TRIQK: variants seen among roughly 807,000 people sequenced by gnomAD.
TRIQK encodes the protein triple QxxK/R motif containing.
A neutral mutation model predicts 10.8 loss-of-function variants in TRIQK; 10 were observed. That is an observed-to-expected ratio of 0.92 (90% CI 0.57 to 1.57). The LOEUF is 1.57. Ranked by LOEUF, TRIQK falls within the 40% of genes most tolerant of loss-of-function variation. The probability of loss-of-function intolerance (pLI) is 0.00; values close to 1 mark genes in which losing one functional copy is unlikely to be tolerated. For missense variants in TRIQK, 107 were observed against 97.7 expected, an observed-to-expected ratio of 1.09 and a Z score of -0.40; for synonymous variants, 33 against 33.7, an observed-to-expected ratio of 0.98 and a Z score of 0.07.
At chr8:93,017,202 C>T (rs1042014225) in intron 1 of TRIQK, among the ~76,000 whole-genome samples, 1 of 144,468 alleles carries the variant, frequency 6.9e-6, no homozygotes, top group African/African-American at 2.6e-5. Flanking sequence ...TATCAGGAAG[C>T]TATTGCTCTG....
chr8:92,964,468 A>ATC (rs1250514207), intron 1 of TRIQK, among the ~76,000 whole-genome samples: 6 of 147,888 alleles, frequency 4.1e-5, no homozygotes, highest in Non-Finnish European at 6.0e-5. Context: ...ATATATCTAT[A>ATC]TATATATATA....
At chr8:92,935,419 T>C (rs1810936462) in intron 2 of TRIQK, among the ~76,000 whole-genome samples, 2 of 151,702 alleles carry the variant, frequency 1.3e-5, no homozygotes. Context: ...CATATTCTGT[T>C]TTGTGCACGT....
At chr8:92,898,652 A>G (rs1808734840) in intron 3 of TRIQK, among the ~76,000 whole-genome samples, 1 of 151,702 alleles carries the variant, frequency 6.6e-6, no homozygotes, top group African/African-American at 2.4e-5. Context: ...GGATTTTTAC[A>G]TTAATTTTCA....
At chr8:92,971,548 G>T (rs1812877686) in intron 1 of TRIQK, among the ~76,000 whole-genome samples, 1 of 152,106 alleles carries the variant, frequency 6.6e-6, no homozygotes, top group Admixed American at 6.6e-5. Flanking sequence ...ATTCACAATT[G>T]CTACGAAGAG....
intron 3 of TRIQK, among the ~76,000 whole-genome samples, chr8:92,913,764 A>G (rs987742956): frequency 6.6e-6 from 1 of 152,322 alleles, no homozygotes; most frequent in Middle Eastern, 3.4e-3. Flanking sequence ...TGTGGCACAT[A>G]TACACCATGG....
chr8:92,893,665 T>C (rs2130281836), intron 3 of TRIQK, among the ~76,000 whole-genome samples: 1 of 152,196 alleles, frequency 6.6e-6, no homozygotes, highest in Non-Finnish European at 1.5e-5. Context: ...CATGTCATTA[T>C]TCCTGCTGAG....
chr8:92,942,633 G>A (rs1586467654), intron 2 of TRIQK, among the ~76,000 whole-genome samples: 2 of 152,250 alleles, frequency 1.3e-5, no homozygotes, highest in East Asian at 3.9e-4. Flanking sequence ...TATCTTACAT[G>A]GAGAAAATAC....
intron 1 of TRIQK, among the ~76,000 whole-genome samples, chr8:93,011,550 A>C (rs1169243748): frequency 7.2e-5 from 11 of 152,160 alleles, no homozygotes; most frequent in South Asian, 2.1e-4. Flanking sequence ...TCAAAGAACA[A>C]CACCACCATT....
chr8:93,003,397 C>T (rs1220452764), intron 1 of TRIQK, among the ~76,000 whole-genome samples: 1 of 151,894 alleles, frequency 6.6e-6, no homozygotes, highest in African/African-American at 2.4e-5. Context: ...ACAGCTCACT[C>T]ACAATCATGA....
chr8:92,916,798 T>G (rs1233505805), intron 3 of TRIQK, 131 bp downstream of exon 3: 1 of 577,184 alleles, frequency 1.7e-6, no homozygotes, highest in African/African-American at 1.9e-5. Flanking sequence ...TCCATAAAAC[T>G]CTATAAAGTC....
chr8:93,012,949 T>C (rs546691391), intron 1 of TRIQK, among the ~76,000 whole-genome samples: 1 of 152,298 alleles, frequency 6.6e-6, no homozygotes, highest in East Asian at 1.9e-4. Flanking sequence ...ACACGCACTC[T>C]AGGTGATTCT....
At chr8:92,942,484 G>A (rs752843681) in intron 2 of TRIQK, among the ~76,000 whole-genome samples, 4 of 152,160 alleles carry the variant, frequency 2.6e-5, no homozygotes, top group Admixed American at 6.5e-5. Flanking sequence ...TCTGGAGCAA[G>A]ACAAGGATGC....
chr8:92,913,872 G>T (rs1180002036), intron 3 of TRIQK, among the ~76,000 whole-genome samples: 2 of 152,134 alleles, frequency 1.3e-5, no homozygotes, highest in Non-Finnish European at 2.9e-5. Context: ...CACAGGAACA[G>T]AAAACCAAAC....
chr8:92,972,980 C>A, intron 1 of TRIQK: 1 of 152,196 alleles, frequency 6.6e-6, no homozygotes, highest in East Asian at 1.9e-4. Context: ...ACAGTAAGTT[C>A]TCTACTATTT....
chr8:92,954,701 T>G (rs923279883), intron 1 of TRIQK, 137 bp from the exon 2 acceptor site: 1 of 151,976 alleles, frequency 6.6e-6, no homozygotes, highest in Non-Finnish European at 1.5e-5. Context: ...TTATTCCATC[T>G]GAATACGTTT....
chr8:92,937,072 A>C (rs1168058574), intron 2 of TRIQK, among the ~76,000 whole-genome samples: 1 of 151,936 alleles, frequency 6.6e-6, no homozygotes, highest in South Asian at 2.1e-4. Context: ...TAGGGAAACA[A>C]TTCTATATGT....
intron 1 of TRIQK, among the ~76,000 whole-genome samples, chr8:93,003,442 A>G (rs968501431): frequency 2.0e-5 from 3 of 151,972 alleles, no homozygotes; most frequent in Non-Finnish European, 4.4e-5. Context: ...CCATGATCCA[A>G]TCACCTCCCA....
intron 3 of TRIQK, among the ~76,000 whole-genome samples, chr8:92,898,260 T>C (rs1029489370): frequency 9.2e-5 from 14 of 152,156 alleles, no homozygotes; most frequent in African/African-American, 3.4e-4. Flanking sequence ...GGTCAAATTG[T>C]GACAAGTCTT....
intron 1 of TRIQK, among the ~76,000 whole-genome samples, chr8:93,007,215 A>T (rs955007836): frequency 1.3e-5 from 2 of 152,212 alleles, no homozygotes; most frequent in Admixed American, 1.3e-4. Flanking sequence ...AGGGGCCCAG[A>T]CGAATAGGAG....
Sources: allele counts gnomAD v4.1 joint callset (sites outside exome capture counted in the v4.1 genomes callset), GRCh38; gene constraint gnomAD v4.1.1; transcripts MANE v1.5; gene names NCBI Gene and HGNC (gene_info 2026-07-23, HGNC 2026-07-21).